The following SPADH variants were observed in gnomAD, a reference collection of about 807,000 sequenced individuals.
The protein encoded by SPADH is spermadhesin family member, also known as CUB domain-containing protein.
the SPADH span, chr10:122,676,681 C>A: frequency 1.0e-6 from 1 of 972,294 alleles, no homozygotes. Context: ...ATAACAGGGG[C>A]CCCTGGAATG....
At chr10:122,679,054 A>C in the SPADH span, 1 of 983,108 alleles carries the variant, frequency 1.0e-6, no homozygotes. Flanking sequence ...ATTAATAGGA[A>C]GATCGGGGGA....
At chr10:122,678,892 T>C in the SPADH span, 7 of 984,852 alleles carry the variant, frequency 7.1e-6, no homozygotes, top group Non-Finnish European at 8.4e-6. Context: ...TGGATGGACC[T>C]CCAGGGTCTG....
At chr10:122,675,131 C>A in the SPADH span, among the ~76,000 whole-genome samples, 1 of 152,190 alleles carries the variant, frequency 6.6e-6, no homozygotes, top group Non-Finnish European at 1.5e-5. Context: ...AGATTTATTT[C>A]AAATTCAAAT....
the SPADH span, among the ~76,000 whole-genome samples, chr10:122,676,258 A>C: frequency 6.6e-6 from 1 of 152,190 alleles, no homozygotes; most frequent in Non-Finnish European, 1.5e-5. Flanking sequence ...TTGACCACTC[A>C]AGGAAAGTGC....
At chr10:122,678,825 G>T in the SPADH span, 1 of 921,976 alleles carries the variant, frequency 1.1e-6, no homozygotes, top group Non-Finnish European at 1.3e-6. Flanking sequence ...AATGCTGATG[G>T]TTGCCTTTTC....
chr10:122,672,910 C>T, the SPADH span: 21 of 985,452 alleles, frequency 2.1e-5, no homozygotes, highest in East Asian at 2.3e-4. Context: ...TTCGCTTGGC[C>T]GCTGCTGTGC....
chr10:122,678,782 G>A, the SPADH span: 1 of 335,450 alleles, frequency 3.0e-6, no homozygotes, highest in Non-Finnish European at 4.2e-6. Context: ...CATTGGTGGA[G>A]GGAGGTGGCA....
chr10:122,676,697 A>G, the SPADH span: 19 of 984,044 alleles, frequency 1.9e-5, no homozygotes, highest in Non-Finnish European at 2.2e-5. Context: ...GAATGACACA[A>G]GCCAATCCCA....
At chr10:122,673,630 T>C in the SPADH span, among the ~76,000 whole-genome samples, 1 of 152,196 alleles carries the variant, frequency 6.6e-6, no homozygotes, top group Non-Finnish European at 1.5e-5. Flanking sequence ...TCTTCGTCTC[T>C]ATGTCTCTCT....
the SPADH span, chr10:122,678,904 G>T: frequency 5.1e-6 from 5 of 984,956 alleles, no homozygotes; most frequent in South Asian, 1.9e-4. Context: ...CAGGGTCTGA[G>T]TCCTTGGACA....
chr10:122,674,786 G>T, the SPADH span, among the ~76,000 whole-genome samples: 1 of 152,238 alleles, frequency 6.6e-6, no homozygotes, highest in African/African-American at 2.4e-5. Context: ...TGGGCCATGG[G>T]CTCGTGCACC....
the SPADH span, among the ~76,000 whole-genome samples, chr10:122,673,739 C>T: frequency 1.3e-5 from 2 of 152,220 alleles, no homozygotes; most frequent in South Asian, 2.1e-4. Context: ...TTCCTACTCT[C>T]GTCACTTCTT....
the SPADH span, chr10:122,676,798 G>C: frequency 1.0e-6 from 1 of 985,362 alleles, no homozygotes; most frequent in Non-Finnish European, 1.2e-6. Flanking sequence ...GAATATGGCA[G>C]GATCTTCAAC....
the SPADH span, among the ~76,000 whole-genome samples, chr10:122,673,795 C>T: frequency 9.9e-5 from 15 of 152,178 alleles, no homozygotes; most frequent in Non-Finnish European, 2.9e-5. Flanking sequence ...TTGCCCATTT[C>T]TCCTGCGCTG....
chr10:122,674,783 T>G, the SPADH span, among the ~76,000 whole-genome samples: 1 of 152,364 alleles, frequency 6.6e-6, no homozygotes, highest in African/African-American at 2.4e-5. Flanking sequence ...CATTGGGCCA[T>G]GGGCTCGTGC....
At chr10:122,678,899 T>TC in the SPADH span, 5 of 984,138 alleles carry the variant, frequency 5.1e-6, no homozygotes, top group South Asian at 1.9e-4. Flanking sequence ...ACCTCCAGGG[T>TC]CTGAGTCCTT....
chr10:122,675,590 A>G, the SPADH span: 1 of 865,018 alleles, frequency 1.2e-6, no homozygotes, highest in African/African-American at 1.8e-5. Context: ...GCTTTCACCC[A>G]TTGGTAAGTT....
At chr10:122,676,389 T>A in the SPADH span, among the ~76,000 whole-genome samples, 1 of 152,222 alleles carries the variant, frequency 6.6e-6, no homozygotes, top group Non-Finnish European at 1.5e-5. Flanking sequence ...ATTTGTTATT[T>A]GTCCAGCCTG....
At chr10:122,673,507 C>T in the SPADH span, among the ~76,000 whole-genome samples, 1 of 152,176 alleles carries the variant, frequency 6.6e-6, no homozygotes, top group African/African-American at 2.4e-5. Context: ...GGGGGAGTCA[C>T]TTGCCCTCTA....
Sources: gnomAD v4.1 joint callset for allele counts (sites outside exome capture counted in the v4.1 genomes callset) on GRCh38, gnomAD v4.1.1 for gene constraint, MANE v1.5 for transcripts, NCBI Gene and HGNC (gene_info 2026-07-23, HGNC 2026-07-21) for gene names.